The following CACNB2 variants were observed in gnomAD, a reference collection of about 807,000 sequenced individuals.
The protein encoded by CACNB2 is calcium voltage-gated channel auxiliary subunit beta 2.
In CACNB2, 42 loss-of-function variants were observed where a neutral mutation model predicts 73.3. The observed-to-expected ratio is 0.57, with a 90% CI of 0.45 to 0.74. The LOEUF (loss-of-function observed/expected upper bound fraction) is 0.74, where lower values mean the gene tolerates loss of function less well. Among genes scored for constraint, CACNB2 ranks in the 30% least tolerant of loss-of-function variants. The pLI is 0.00. For synonymous variants in CACNB2, 348 were observed against 310.3 expected (o/e 1.12, Z -1.28); for missense variants, 940 against 853.0 (o/e 1.10, Z -1.27).
chr10:18,460,017 T>G (rs1159516712), intron 3 of CACNB2, among the ~76,000 whole-genome samples: 1 of 152,070 alleles, frequency 6.6e-6, no homozygotes, highest in African/African-American at 2.4e-5. Context: ...GGAAAAAAAG[T>G]CGAATACTAA....
Position 18,393,302 on chromosome 10 carries a change from T to A in CACNB2, c.214-8622T>A, listed in dbSNP as rs555431454. Among the ~76,000 whole-genome samples the A allele has an allele frequency of 3.9e-5, 6 of 152,316 alleles. No individual in the cohort carries two copies. The South Asian group carries it at 1.2e-3, about 32-fold the overall frequency. On this transcript the variant is annotated intron_variant, in intron 2 of 13. Coordinates refer to ENST00000324631, the MANE Select transcript of CACNB2 (RefSeq NM_201596.3). ...TACACATACATAATGTTCTAATTTT[T>A]TTAAATTACTTAGCCTATGACTGAA...
chr10:18,425,979 A>G (rs1310300173), intron 3 of CACNB2, among the ~76,000 whole-genome samples: 2 of 152,206 alleles, frequency 1.3e-5, no homozygotes, highest in Admixed American at 6.5e-5. Context: ...TTTCAATGCC[A>G]TACTACCTGA....
chr10:18,348,351 T>C (rs937279771), intron 2 of CACNB2, among the ~76,000 whole-genome samples: 7 of 152,208 alleles, frequency 4.6e-5, no homozygotes, highest in African/African-American at 1.7e-4. Context: ...CAAATGTCTC[T>C]TTAAAATGAT....
Position 18,308,214 on chromosome 10 carries a change from G to A in CACNB2, c.214-93710G>A, listed in dbSNP as rs138199821. ...TCGCCATGTTGGCCAGGCTAGTCTC[G>A]AACTCCTGGCCTGAAGTGATCCGCC... On this transcript the variant is annotated intron_variant, in intron 2 of 13. Transcript: ENST00000324631. Among the ~76,000 whole-genome samples, 1,196 of 151,910 alleles carry A rather than the reference G, an allele frequency of 7.9e-3. 14 individuals are homozygous for A. Among genetic ancestry groups the A allele is most frequent in the African/African-American group, 0.027 (1,107 of 41,410 alleles).
intron 6 of CACNB2, among the ~76,000 whole-genome samples, chr10:18,507,261 G>A (rs1174774902): frequency 6.6e-6 from 1 of 152,200 alleles, no homozygotes; most frequent in Non-Finnish European, 1.5e-5. Flanking sequence ...AGTGAAGATA[G>A]AGGATTGGCC....
At chr10:18,385,364 A>ACCCCCCCCCCCCCCCCC (rs754737184) in intron 2 of CACNB2, among the ~76,000 whole-genome samples, 2 of 83,136 alleles carry the variant, frequency 2.4e-5, no homozygotes, top group African/African-American at 9.0e-5. Flanking sequence ...GATTTGTAAT[A>ACCCCCCCCCCCCCCCCC]CCCCCCCCCC....
intron 7 of CACNB2, among the ~76,000 whole-genome samples, chr10:18,517,250 T>G (rs2051372226): frequency 1.3e-5 from 2 of 152,238 alleles, no homozygotes; most frequent in Non-Finnish European, 2.9e-5. Flanking sequence ...AATGATTTGC[T>G]TATCGCAGTG....
At chr10:18,535,060 T>C (rs2053430773) in intron 11 of CACNB2, among the ~76,000 whole-genome samples, 1 of 152,242 alleles carries the variant, frequency 6.6e-6, no homozygotes, top group Non-Finnish European at 1.5e-5. Context: ...TCAATGGTAA[T>C]ATTAATGAAT....
chr10:18,140,895 C>T (rs768224789), intron 1 of CACNB2, 39 bp downstream of exon 1: 13 of 1,566,530 alleles, frequency 8.3e-6, no homozygotes, highest in Middle Eastern at 2.1e-4. Context: ...CTTTGTGAGC[C>T]GCCGGGCAGG....
intron 2 of CACNB2, among the ~76,000 whole-genome samples, chr10:18,385,985 C>T (rs1228528800): frequency 6.6e-6 from 1 of 151,882 alleles, no homozygotes; most frequent in East Asian, 1.9e-4. Context: ...TATAAAAGTC[C>T]CAGAATCAGA....
chr10:18,400,524 A>G, intron 2 of CACNB2: 1 of 969,954 alleles, frequency 1.0e-6, no homozygotes, highest in Non-Finnish European at 1.2e-6. Context: ...CATATGGAGC[A>G]TGCCCAGTGT....
intron 2 of CACNB2, among the ~76,000 whole-genome samples, chr10:18,232,957 C>A (rs1029038371): frequency 2.2e-4 from 34 of 152,114 alleles, no homozygotes; most frequent in African/African-American, 8.0e-4. Context: ...TGTGGTGGCA[C>A]ACACCTGTAA....
intron 2 of CACNB2, among the ~76,000 whole-genome samples, chr10:18,247,169 C>A (rs1163028085): frequency 1.3e-5 from 2 of 152,172 alleles, no homozygotes; most frequent in African/African-American, 4.8e-5. Flanking sequence ...TTCTCCCCTT[C>A]TAAGTAGCAA....
chr10:18,493,582 C>G (rs1432282935), intron 3 of CACNB2, among the ~76,000 whole-genome samples: 2 of 152,138 alleles, frequency 1.3e-5, no homozygotes, highest in Non-Finnish European at 2.9e-5. Flanking sequence ...TGGCCTGGTG[C>G]AATCCATTTT....
At chr10:18,438,923 T>C (rs1442286036) in intron 3 of CACNB2, among the ~76,000 whole-genome samples, 1 of 152,258 alleles carries the variant, frequency 6.6e-6, no homozygotes, top group South Asian at 2.1e-4. Flanking sequence ...CACATCAGAT[T>C]AAATACTTGT....
chr10:18,267,034 GTA>G, intron 2 of CACNB2, among the ~76,000 whole-genome samples: 1 of 152,172 alleles, frequency 6.6e-6, no homozygotes, highest in East Asian at 1.9e-4. Flanking sequence ...GTGTGTGTAT[GTA>G]TATATATCTG....
chr10:18,285,101 G>A (rs1161397761), intron 2 of CACNB2, among the ~76,000 whole-genome samples: 1 of 152,178 alleles, frequency 6.6e-6, no homozygotes, highest in Non-Finnish European at 1.5e-5. Context: ...TCCTAGATAT[G>A]TATGGTAGTC....
At chr10:18,484,330 G>T (rs1305759743) in intron 3 of CACNB2, among the ~76,000 whole-genome samples, 1 of 151,896 alleles carries the variant, frequency 6.6e-6, no homozygotes, top group Non-Finnish European at 1.5e-5. Flanking sequence ...GGAGGCAGAG[G>T]TTGCAGTGAC....
At chr10:18,161,447 A>G (rs947734894) in intron 2 of CACNB2, among the ~76,000 whole-genome samples, 1 of 152,108 alleles carries the variant, frequency 6.6e-6, no homozygotes, top group African/African-American at 2.4e-5. Flanking sequence ...TCTGAACACT[A>G]TGACCCTACC....
Sources: gnomAD v4.1 joint callset for allele counts (sites outside exome capture counted in the v4.1 genomes callset) on GRCh38, gnomAD v4.1.1 for gene constraint, MANE v1.5 for transcripts, NCBI Gene and HGNC (gene_info 2026-07-23, HGNC 2026-07-21) for gene names.